Variants in CLVS1 observed in about 807,000 individuals in gnomAD.
CLVS1 encodes clavesin-1.
CLVS1 carries 10 observed loss-of-function variants against 33.1 expected under a neutral mutation model. That is an observed-to-expected ratio of 0.30 (90% confidence interval 0.19 to 0.51). CLVS1 has a LOEUF of 0.51. Among genes scored for constraint, CLVS1 ranks in the 20% least tolerant of loss-of-function variants. The pLI, the probability that CLVS1 is intolerant of heterozygous loss-of-function variation, is 0.97. For synonymous variants in CLVS1, 163 were observed against 166.1 expected (o/e 0.98, Z 0.14); for missense variants, 343 against 433.4 (o/e 0.79, Z 1.85).
intron 2 of CLVS1, among the ~76,000 whole-genome samples, chr8:61,277,922 TG>T (rs750514971): frequency 6.6e-6 from 1 of 152,120 alleles, no homozygotes; most frequent in African/African-American, 2.4e-5. Context: ...CAGCAACTAG[TG>T]GGAAGGCAAA....
the CLVS1 span, among the ~76,000 whole-genome samples, chr8:61,024,490 A>G: frequency 1.3e-5 from 2 of 152,228 alleles, no homozygotes; most frequent in Non-Finnish European, 1.5e-5. Flanking sequence ...AAGTAATATC[A>G]TAATCCGAGC....
At chr8:61,272,927 C>G (rs1359443510) in intron 2 of CLVS1, among the ~76,000 whole-genome samples, 1 of 149,684 alleles carries the variant, frequency 6.7e-6, no homozygotes, top group East Asian at 2.0e-4. Context: ...AACTTCTTTG[C>G]CTTTGGTTTG....
intron 2 of CLVS1, among the ~76,000 whole-genome samples, chr8:61,243,857 T>C (rs901696256): frequency 6.6e-6 from 1 of 152,232 alleles, no homozygotes; most frequent in African/African-American, 2.4e-5. Context: ...CCTTGTGTTT[T>C]CTTTGGGTTT....
chr8:61,152,863 C>G (rs1333414810), intron 2 of CLVS1, among the ~76,000 whole-genome samples: 1 of 152,152 alleles, frequency 6.6e-6, no homozygotes, highest in African/African-American at 2.4e-5. Context: ...CTACAGGTAT[C>G]TGAAAATGGT....
intron 2 of CLVS1, among the ~76,000 whole-genome samples, chr8:61,245,701 A>G (rs1419853399): frequency 1.3e-5 from 2 of 151,388 alleles, no homozygotes; most frequent in Non-Finnish European, 1.5e-5. Context: ...ATATATATAA[A>G]TTATACCTTT....
chr8:61,433,150 C>T (rs1816179581), intron 3 of CLVS1, among the ~76,000 whole-genome samples: 1 of 152,212 alleles, frequency 6.6e-6, no homozygotes, highest in African/African-American at 2.4e-5. Flanking sequence ...GAAGGTGTTT[C>T]ACCATGTTGC....
At chr8:61,129,025 T>G (rs118108477) in intron 1 of CLVS1, among the ~76,000 whole-genome samples, 3 of 152,354 alleles carry the variant, frequency 2.0e-5, no homozygotes, top group Non-Finnish European at 4.4e-5. Context: ...TCCAGCATGG[T>G]GTTCACCGAG....
chr8:61,306,856 G>T (rs904074342), intron 2 of CLVS1, among the ~76,000 whole-genome samples: 4 of 152,130 alleles, frequency 2.6e-5, no homozygotes, highest in African/African-American at 9.7e-5. Context: ...GCCATTACCA[G>T]GTTTCCTCCA....
At chr8:61,063,148 G>A (rs1235637819) in intron 1 of CLVS1, among the ~76,000 whole-genome samples, 1 of 152,024 alleles carries the variant, frequency 6.6e-6, no homozygotes, top group African/African-American at 2.4e-5. Context: ...TAAGACAAAG[G>A]CTTTGCTCTC....
chr8:61,196,949 A>G (rs548993624), intron 2 of CLVS1, among the ~76,000 whole-genome samples: 6 of 152,280 alleles, frequency 3.9e-5, no homozygotes, highest in South Asian at 2.1e-4. Context: ...CCCGGGCTCT[A>G]TCTCTTTTCC....
At chr8:61,255,571 A>G (rs1181428584) in intron 2 of CLVS1, among the ~76,000 whole-genome samples, 4 of 152,186 alleles carry the variant, frequency 2.6e-5, no homozygotes, top group East Asian at 1.9e-4. Flanking sequence ...GTGTTATTCT[A>G]TCTCCTTTAT....
At chr8:61,455,515 C>T (rs1165298057) in intron 4 of CLVS1, among the ~76,000 whole-genome samples, 1 of 151,840 alleles carries the variant, frequency 6.6e-6, no homozygotes, top group African/African-American at 2.4e-5. Context: ...TAGGTTCATC[C>T]ACATTGTTGA....
At chr8:61,393,906 C>T (rs1290105464) in intron 3 of CLVS1, among the ~76,000 whole-genome samples, 1 of 152,160 alleles carries the variant, frequency 6.6e-6, no homozygotes, top group Non-Finnish European at 1.5e-5. Context: ...GGGAAGTTGT[C>T]ACCTGCTCAG....
At chr8:61,458,740 A>G (rs573337372) in intron 5 of CLVS1, 198 bp downstream of exon 5, 49 of 484,826 alleles carry the variant, frequency 1.0e-4, no homozygotes, top group African/African-American at 8.2e-4. Flanking sequence ...AGTTGTCCCC[A>G]TTGTATCAAA....
the CLVS1 span, among the ~76,000 whole-genome samples, chr8:61,051,455 G>A: frequency 5.9e-5 from 9 of 152,220 alleles, no homozygotes; most frequent in Non-Finnish European, 8.8e-5. Flanking sequence ...GGGAGGCACC[G>A]GCTGCATTCT....
chr8:61,202,262 G>A, intron 2 of CLVS1: 1 of 563,646 alleles, frequency 1.8e-6, no homozygotes, highest in Non-Finnish European at 3.3e-6. Flanking sequence ...GTCCCCTGGT[G>A]TGATTCCATC....
chr8:61,430,017 C>A (rs1351239053), intron 3 of CLVS1, among the ~76,000 whole-genome samples: 1 of 152,188 alleles, frequency 6.6e-6, no homozygotes, highest in African/African-American at 2.4e-5. Flanking sequence ...ATCCTATTTG[C>A]TTTCCTTTGT....
chr8:61,190,756 A>G (rs1429068326), intron 2 of CLVS1, among the ~76,000 whole-genome samples: 4 of 152,242 alleles, frequency 2.6e-5, no homozygotes, highest in Non-Finnish European at 5.9e-5. Context: ...CTCTATGCAA[A>G]TAAACTAGAA....
intron 5 of CLVS1, among the ~76,000 whole-genome samples, chr8:61,494,062 C>T (rs1209460582): frequency 6.6e-6 from 1 of 152,098 alleles, no homozygotes; most frequent in East Asian, 1.9e-4. Context: ...AATTTTTGAA[C>T]ATAAAAGTAG....
Sources: gnomAD v4.1 joint callset for allele counts (sites outside exome capture counted in the v4.1 genomes callset) on GRCh38, gnomAD v4.1.1 for gene constraint, MANE v1.5 for transcripts, NCBI Gene and HGNC (gene_info 2026-07-23, HGNC 2026-07-21) for gene names.